Variants in TBC1D21 observed in about 807,000 individuals in gnomAD.
TBC1D21 encodes TBC1 domain family member 21.
In TBC1D21, 38 loss-of-function variants were observed where a neutral mutation model predicts 46.0. The ratio of observed to expected loss-of-function variants is 0.83; its 90% confidence interval spans 0.64 to 1.08. TBC1D21 has a LOEUF of 1.08. TBC1D21 is among the 50% of genes least tolerant of loss of function. The probability of loss-of-function intolerance (pLI) is 0.00; values close to 1 mark genes in which losing one functional copy is unlikely to be tolerated. For missense variants in TBC1D21, 415 were observed against 417.9 expected, an observed-to-expected ratio of 0.99 and a Z score of 0.06; for synonymous variants, 151 against 157.2, an observed-to-expected ratio of 0.96 and a Z score of 0.29.
the TBC1D21 span, among the ~76,000 whole-genome samples, chr15:73,900,766 G>A: frequency 6.6e-6 from 1 of 152,204 alleles, no homozygotes; most frequent in Non-Finnish European, 1.5e-5. Flanking sequence ...ATAAGTAAGG[G>A]TGGACAATGA....
chr15:73,886,528 G>A lies in TBC1D21; in HGVS notation c.693G>A (p.Gly231=), dbSNP rs374149710. ...FAEHLKGKGA[G]AVQSLFPWFC... Reference sequence around the variant, plus strand: ...TCCCCACAGAAGGGAAGGGTGCAGGGGCTGTGCAGTCCCTCTTCCCCTGGT... The same window carrying A: ...TCCCCACAGAAGGGAAGGGTGCAGGAGCTGTGCAGTCCCTCTTCCCCTGGT... The change falls in exon 8 of 11, where the codon GGG becomes GGA. Residue 231 remains glycine (G), a synonymous_variant. Coordinates refer to ENST00000300504, the MANE Select transcript of TBC1D21 (RefSeq NM_153356.3). The A allele has an allele frequency of 4.3e-6, 7 of 1,613,736 alleles. No homozygotes were observed. The Admixed American group carries it at 1.0e-4, about 23-fold the overall frequency.
At chr15:73,904,474 C>A in the TBC1D21 span, among the ~76,000 whole-genome samples, 2 of 152,330 alleles carry the variant, frequency 1.3e-5, no homozygotes, top group East Asian at 3.9e-4. Context: ...ATTTACACCA[C>A]AGAAATTGGC....
At chr15:73,876,224 T>G (rs796693626) in intron 1 of TBC1D21, among the ~76,000 whole-genome samples, 2,615 of 60,544 alleles carry the variant, frequency 0.043, 421 homozygotes, top group African/African-American at 0.19. Context: ...TTTTTTTTTT[T>G]TTTTTTTTTT....
chr15:73,900,309 G>A, the TBC1D21 span, among the ~76,000 whole-genome samples: 6 of 152,200 alleles, frequency 3.9e-5, no homozygotes, highest in African/African-American at 7.2e-5. Flanking sequence ...AAAAGTGCCC[G>A]GCGCGGGCTG....
intron 1 of TBC1D21, among the ~76,000 whole-genome samples, chr15:73,880,080 A>G (rs1005160555): frequency 3.3e-5 from 5 of 152,056 alleles, no homozygotes; most frequent in Admixed American, 3.3e-4. Context: ...TATTTTTAGT[A>G]GAGACAGGGT....
In TBC1D21 at chr15:73,876,199, G is replaced by GGTGTTTTTTTTTT. The variant is rs2068057275; in HGVS notation, c.60+2430_60+2431insGTGTTTTTTTTTT. 4.9e-4 allele frequency among the ~76,000 whole-genome samples: 14 copies of GGTGTTTTTTTTTT among 28,314 alleles called. 6 individuals are homozygous for GGTGTTTTTTTTTT. The highest frequency in any genetic ancestry group is 1.9e-3 in the Non-Finnish European group (10 of 5,336). The allele number at this position is 28,314 out of a possible 152,430, so 18.6% of individuals were successfully genotyped here. The stretch of plus-strand genomic sequence containing the variant: ...GAAGAATCAGTGACTTTTTTTGTGG[G>GGTGTTTTTTTTTT]TTTTTTTTTTTTTTTTTTTTTTTTT... On this transcript the variant is annotated intron_variant, in intron 1 of 10. Transcript: ENST00000300504.
At chr15:73,885,161 A>C in intron 6 of TBC1D21, 58 bp downstream of exon 6, 14 of 1,464,626 alleles carry the variant, frequency 9.6e-6, no homozygotes, top group African/African-American at 1.4e-5. Context: ...TACTCCCCAA[A>C]CAACTCTTTG....
intron 1 of TBC1D21, among the ~76,000 whole-genome samples, chr15:73,877,514 TAAAAAAAAAAAAAAA>T (rs541803630): frequency 5.5e-5 from 4 of 72,726 alleles, no homozygotes; most frequent in South Asian, 6.5e-4. Context: ...TCCAGAAAAC[TAAAAAAAAAAAAAAA>T]AAAAAAAAAA....
chr15:73,881,501 G>A lies in TBC1D21; in HGVS notation c.163G>A (p.Glu55Lys). 1.2e-6 allele frequency: 2 copies of A among 1,614,070 alleles called. No individual in the cohort carries two copies. The highest frequency in any genetic ancestry group is 2.2e-5 in the South Asian group (2 of 91,080). The change falls in exon 2 of 11, where the codon GAA becomes AAA. Residue 55 changes from glutamate (E) to lysine (K), a missense_variant. Transcript: ENST00000300504. ...SRDFICVNIL[E>K]RGLHPFVRTE... ...GGACTTCATTTGTGTTAACATCCTG[G>A]AAAGGGTGGGTCCCCAAGCTACCCT...
At chr15:73,875,372 C>T (rs1391746084) in intron 1 of TBC1D21, among the ~76,000 whole-genome samples, 4 of 151,982 alleles carry the variant, frequency 2.6e-5, no homozygotes, top group African/African-American at 9.7e-5. Context: ...CAATGACCTT[C>T]CCTGGGCTTT....
At chr15:73,888,746 C>T (rs1209141003) in intron 10 of TBC1D21, among the ~76,000 whole-genome samples, 1 of 152,106 alleles carries the variant, frequency 6.6e-6, no homozygotes. Flanking sequence ...TCCTCCTCCT[C>T]CTCCTCATCA....
intron 1 of TBC1D21, among the ~76,000 whole-genome samples, chr15:73,877,556 C>G (rs1335908955): frequency 1.7e-5 from 2 of 117,658 alleles, no homozygotes; most frequent in Non-Finnish European, 3.4e-5. Flanking sequence ...AAAAAGAAAT[C>G]CCTACTCATT....
At chr15:73,903,856 G>C in the TBC1D21 span, among the ~76,000 whole-genome samples, 1 of 152,132 alleles carries the variant, frequency 6.6e-6, no homozygotes, top group Admixed American at 6.5e-5. Flanking sequence ...AGACTGGCCT[G>C]GCCAACATGG....
chr15:73,901,659 A>G, the TBC1D21 span, among the ~76,000 whole-genome samples: 1 of 151,952 alleles, frequency 6.6e-6, no homozygotes, highest in Non-Finnish European at 1.5e-5. Context: ...CTGTTTCCTC[A>G]CCTTTTCTAG....
intron 4 of TBC1D21, 122 bp downstream of exon 4, chr15:73,884,367 C>G: frequency 1.1e-6 from 1 of 944,878 alleles, no homozygotes; most frequent in Non-Finnish European, 1.7e-6. Flanking sequence ...TGACTTGTGC[C>G]TGGAGTTTCG....
downstream of TBC1D21, among the ~76,000 whole-genome samples, chr15:73,890,013 A>T (rs2068323527): frequency 6.6e-6 from 1 of 152,154 alleles, no homozygotes; most frequent in South Asian, 2.1e-4. Context: ...ATACATACAC[A>T]CATACACACA....
the TBC1D21 span, among the ~76,000 whole-genome samples, chr15:73,906,307 G>A: frequency 6.6e-6 from 1 of 152,220 alleles, no homozygotes; most frequent in Non-Finnish European, 1.5e-5. Context: ...TATGTGGGAG[G>A]AGGTCGGGGA....
chr15:73,880,678 G>A (rs964793731), intron 1 of TBC1D21, among the ~76,000 whole-genome samples: 4 of 152,200 alleles, frequency 2.6e-5, no homozygotes, highest in Non-Finnish European at 4.4e-5. Context: ...AGCTGAAGCA[G>A]GAGAATCGCT....
At position 73,882,055 on chromosome 15, in the gene TBC1D21, T is replaced by G. The variant is rs576683382; in HGVS notation, c.272+308T>G. On this transcript the variant is annotated intron_variant, in intron 3 of 10. Transcript: ENST00000300504. Reference sequence around the variant, plus strand: ...TGCATTCTTCCTCTGAAGCAGCCCTTGAACAGAGTCTGCCACCCTCTTCCC... The same window carrying G: ...TGCATTCTTCCTCTGAAGCAGCCCTGGAACAGAGTCTGCCACCCTCTTCCC... Among the ~76,000 whole-genome samples the G allele has an allele frequency of 3.5e-4, 53 of 152,018 alleles. 1 individual carries two copies. Among genetic ancestry groups the G allele is most frequent in the Middle Eastern group, 3.2e-3 (1 of 316 alleles).
Sources: gnomAD v4.1 joint callset for allele counts (sites outside exome capture counted in the v4.1 genomes callset) on GRCh38, gnomAD v4.1.1 for gene constraint, MANE v1.5 for transcripts, NCBI Gene and HGNC (gene_info 2026-07-23, HGNC 2026-07-21) for gene names.